EPB41L3: variants seen among roughly 807,000 people sequenced by gnomAD.
EPB41L3 encodes the protein band 4.1-like protein 3.
Under a neutral mutation model 127.1 loss-of-function variants are expected in EPB41L3, and 57 were observed. The observed-to-expected ratio is 0.45, with a 90% CI of 0.36 to 0.56. The LOEUF (loss-of-function observed/expected upper bound fraction) is 0.56, where lower values mean the gene tolerates loss of function less well. EPB41L3 is among the 20% of genes least tolerant of loss of function. EPB41L3 has a pLI of 0.00. For synonymous variants in EPB41L3, 572 were observed against 549.5 expected, an observed-to-expected ratio of 1.04 and a Z score of -0.57; for missense variants, 1,273 against 1,372.2, an observed-to-expected ratio of 0.93 and a Z score of 1.14.
At position 5,489,059 on chromosome 18, in the gene EPB41L3, T is replaced by G. The variant is rs762698133; in HGVS notation, c.125A>C (p.Gln42Pro). ...PVPEPPKEEQ[Q>P]QALEQFAAAA... Reference sequence around the variant, plus strand: ...GGCGGCGAACTGCTCCAGGGCCTGCTGCTGCTCCTCCTTGGGCGGCTCCGG... The same window carrying G: ...GGCGGCGAACTGCTCCAGGGCCTGCGGCTGCTCCTCCTTGGGCGGCTCCGG... The change falls in exon 2 of 23, where the codon CAG becomes CCG. Residue 42 changes from glutamine to proline, a missense_variant. This residue lies in a region of EPB41L3 where 182 missense variants were observed against 149.2 expected (regional missense o/e 1.22). Transcript: ENST00000341928. 5.6e-5 allele frequency: 89 copies of G among 1,596,536 alleles called. No homozygotes were observed. Among genetic ancestry groups the G allele is most frequent in the Non-Finnish European group, 7.3e-5 (86 of 1,176,682 alleles).
intron 1 of EPB41L3, among the ~76,000 whole-genome samples, chr18:5,622,472 A>G (rs914302585): frequency 6.6e-6 from 1 of 152,238 alleles, no homozygotes; most frequent in Non-Finnish European, 1.5e-5. Flanking sequence ...GGGTGAGTCT[A>G]GCAGTTGCTA....
intron 3 of EPB41L3, among the ~76,000 whole-genome samples, chr18:5,589,601 G>C (rs1331978481): frequency 1.3e-5 from 2 of 152,132 alleles, no homozygotes; most frequent in African/African-American, 4.8e-5. Context: ...GAAAAGAAGA[G>C]AAACCTTTCC....
intron 3 of EPB41L3, among the ~76,000 whole-genome samples, chr18:5,465,008 A>C (rs1344473669): frequency 1.3e-5 from 2 of 152,238 alleles, no homozygotes; most frequent in African/African-American, 2.4e-5. Context: ...ACTGAAAGTC[A>C]CAAGTGGCGT....
intron 1 of EPB41L3, among the ~76,000 whole-genome samples, chr18:5,491,560 G>A (rs147215460): frequency 1.7e-4 from 26 of 151,990 alleles, no homozygotes; most frequent in South Asian, 6.2e-4. Flanking sequence ...ACAATCTAAA[G>A]AATAAAATAA....
intron 1 of EPB41L3, among the ~76,000 whole-genome samples, chr18:5,511,441 C>T (rs574617242): frequency 6.8e-5 from 6 of 88,264 alleles, no homozygotes; most frequent in Admixed American, 6.0e-4. Context: ...ACCCAATTTT[C>T]CCTTAAGGGC....
In EPB41L3 at chr18:5,406,847, G is replaced by T. The variant is rs765789121; in HGVS notation, c.2279C>A (p.Ser760Tyr). The change falls in exon 16 of 23, where the codon TCC becomes TAC. Residue 760 changes from serine (S) to tyrosine (Y), a missense_variant. Physicochemically the swap from Ser to Tyr is moderately radical, Grantham distance 144 (BLOSUM62 -2). This residue lies in a region of EPB41L3 where 765 missense variants were observed against 782.9 expected (regional missense o/e 0.98). Transcript: ENST00000341928. ...GGCGGCCAGTCGCACGGGGGAGGTG[G>T]AAAGCCTCTTCTCCCATTCATTCGT... is the stretch of plus-strand genomic sequence containing the variant. ...AVTNEWEKRL[S>Y]TSPVRLAARQ... 1 of 1,614,182 alleles carries T rather than the reference G, an allele frequency of 6.2e-7. No homozygotes were observed. Among genetic ancestry groups the T allele is most frequent in the Non-Finnish European group, 8.5e-7 (1 of 1,180,026 alleles).
At chr18:5,449,492 T>C (rs2081987923) in intron 3 of EPB41L3, among the ~76,000 whole-genome samples, 1 of 152,162 alleles carries the variant, frequency 6.6e-6, no homozygotes, top group Non-Finnish European at 1.5e-5. Flanking sequence ...CCTAAATGAG[T>C]TGAAAACGTA....
intron 20 of EPB41L3, 38 bp from the exon 21 acceptor site, chr18:5,395,185 C>A: frequency 2.6e-6 from 4 of 1,561,142 alleles, no homozygotes; most frequent in Non-Finnish European, 3.5e-6. Context: ...AATTTACTCA[C>A]TGGGAGAAAC....
At chr18:5,426,641 G>A (rs865890433) in intron 9 of EPB41L3, among the ~76,000 whole-genome samples, 3 of 152,010 alleles carry the variant, frequency 2.0e-5, no homozygotes, top group Admixed American at 2.0e-4. Context: ...CTCCCCTCTG[G>A]CATCTCACAA....
intron 3 of EPB41L3, among the ~76,000 whole-genome samples, chr18:5,569,451 A>G (rs1271471056): frequency 6.6e-6 from 1 of 152,192 alleles, no homozygotes; most frequent in Non-Finnish European, 1.5e-5. Context: ...CCCTAATTAG[A>G]GATACCCCCA....
At chr18:5,403,279 G>C (rs1265377080) in intron 16 of EPB41L3, among the ~76,000 whole-genome samples, 1 of 151,952 alleles carries the variant, frequency 6.6e-6, no homozygotes, top group African/African-American at 2.4e-5. Context: ...TTGCTGCTTT[G>C]GGGCATCCTT....
chr18:5,569,429 A>T (rs751121176), intron 3 of EPB41L3, among the ~76,000 whole-genome samples: 1 of 152,350 alleles, frequency 6.6e-6, no homozygotes, highest in African/African-American at 2.4e-5. Flanking sequence ...GGTGTAATAT[A>T]TAAAGTAGTC....
intron 1 of EPB41L3, among the ~76,000 whole-genome samples, chr18:5,626,058 G>A (rs1023406594): frequency 2.6e-5 from 4 of 151,496 alleles, no homozygotes; most frequent in African/African-American, 4.9e-5. Flanking sequence ...CCCCTGTCTC[G>A]TCGCTGCTTT....
Position 5,489,140 on chromosome 18 carries a change from T to C in EPB41L3, c.44A>G (p.Gln15Arg). The C allele has an allele frequency of 1.9e-6, 3 of 1,595,174 alleles. No individual in the cohort carries two copies. Among genetic ancestry groups the C allele is most frequent in the African/African-American group, 1.4e-5 (1 of 72,730 alleles). ...SGSDSESKPD[Q>R]EAEPQEAAGA... is the part of the protein sequence containing the mutation. Reference sequence around the variant, plus strand: ...CGCCGCCTCCTGGGGCTCGGCCTCCTGGTCCGGCTTGGATTCCGAGTCTGA... The same window carrying C: ...CGCCGCCTCCTGGGGCTCGGCCTCCCGGTCCGGCTTGGATTCCGAGTCTGA... The change falls in exon 2 of 23, where the codon CAG becomes CGG. Residue 15 changes from glutamine (Q) to arginine (R), a missense_variant. Physicochemically the swap from Gln to Arg is conservative, Grantham distance 43. Around this residue, in one of 3 missense-constraint regions of EPB41L3, gnomAD observed 182 missense variants for 149.2 expected, o/e 1.22. Coordinates refer to ENST00000341928, the MANE Select transcript of EPB41L3 (RefSeq NM_012307.5).
chr18:5,427,740 T>A (rs2078395454), intron 9 of EPB41L3, among the ~76,000 whole-genome samples: 1 of 152,086 alleles, frequency 6.6e-6, no homozygotes, highest in East Asian at 1.9e-4. Flanking sequence ...AAATTATTAA[T>A]GATACTGGAA....
At chr18:5,600,435 T>C (rs998243724) in intron 3 of EPB41L3, among the ~76,000 whole-genome samples, 1 of 152,188 alleles carries the variant, frequency 6.6e-6, no homozygotes, top group African/African-American at 2.4e-5. Context: ...ACATGAATGA[T>C]CTGAACCATA....
intron 8 of EPB41L3, 149 bp downstream of exon 8, chr18:5,433,320 G>A (rs989518098): frequency 5.2e-5 from 32 of 612,014 alleles, no homozygotes; most frequent in Admixed American, 2.1e-4. Flanking sequence ...TTGTTGTATC[G>A]TGGAGTAGGG....
At chr18:5,447,920 C>T (rs2081746222) in intron 3 of EPB41L3, among the ~76,000 whole-genome samples, 1 of 152,146 alleles carries the variant, frequency 6.6e-6, no homozygotes, top group African/African-American at 2.4e-5. Flanking sequence ...TACTAGTCCA[C>T]ACTGAAGATT....
chr18:5,444,078 T>C (rs926453926), intron 4 of EPB41L3, among the ~76,000 whole-genome samples, 198 bp from the exon 5 acceptor site: 8 of 152,204 alleles, frequency 5.3e-5, no homozygotes, highest in African/African-American at 1.9e-4. Flanking sequence ...AATGAGAAAA[T>C]GCACATGTAT....
Sources: gnomAD v4.1 joint callset for allele counts (sites outside exome capture counted in the v4.1 genomes callset) on GRCh38, gnomAD v4.1.1 for gene constraint, gnomAD v4.1.1 regional missense constraint, MANE v1.5 for transcripts, NCBI Gene and HGNC (gene_info 2026-07-23, HGNC 2026-07-21) for gene names.